Variants in CRHR1 observed in about 807,000 individuals in gnomAD.
CRHR1 encodes the protein corticotropin-releasing hormone receptor 1.
CRHR1 carries 28 observed loss-of-function variants against 56.0 expected under a neutral mutation model. That is an observed-to-expected ratio of 0.50 (90% confidence interval 0.37 to 0.69). CRHR1 has a LOEUF of 0.69. Among genes scored for constraint, CRHR1 ranks in the 30% least tolerant of loss-of-function variants. CRHR1 has a pLI of 0.00. For missense variants in CRHR1, 376 were observed against 548.0 expected, an observed-to-expected ratio of 0.69 and a Z score of 3.13; for synonymous variants, 195 against 216.5, an observed-to-expected ratio of 0.90 and a Z score of 0.87.
At position 45,811,665 on chromosome 17, in the gene CRHR1, C is replaced by T. The variant is rs565687041; in HGVS notation, c.121+4568C>T. ...CTCAGACACACCAAGCACACACCTG[C>T]TCCGGGGGTCCTTGTACTTGCAGTT... On this transcript the variant is annotated intron_variant, in intron 2 of 12. Coordinates refer to ENST00000314537, the MANE Select transcript of CRHR1 (RefSeq NM_004382.5). Among the ~76,000 whole-genome samples, 3 of 152,294 alleles carry T rather than the reference C, an allele frequency of 2.0e-5. No individual in the cohort carries two copies. The East Asian group carries it at 5.8e-4, about 29-fold the overall frequency.
chr17:45,816,593 A>G lies in CRHR1; in HGVS notation c.241+11A>G, dbSNP rs374275151. On this transcript the variant is annotated intron_variant, in intron 3 of 12. Coordinates refer to ENST00000314537, the MANE Select transcript of CRHR1 (RefSeq NM_004382.5). The stretch of plus-strand genomic sequence containing the variant: ...GCTACAATACCACAAGTAAGGAAGA[A>G]GTGGAGGGTGGACCATCTGCTGGGA... 2.5e-6 allele frequency: 4 copies of G among 1,613,942 alleles called. No homozygotes were observed. Among genetic ancestry groups the G allele is most frequent in the East Asian group, 2.2e-5 (1 of 44,860 alleles).
rs1269362388 is a variant in CRHR1 at position 45,784,504 on chromosome 17, A to G, written c.-41A>G. 6.6e-7 allele frequency: 1 copy of G among 1,525,288 alleles called. No homozygotes were observed. The highest frequency in any genetic ancestry group is 8.8e-7 in the Non-Finnish European group (1 of 1,134,840). The allele number at this position is 1,525,288 out of a possible 1,614,324, so 94.5% of individuals were successfully genotyped here. A position where few individuals can be genotyped will look rare whatever the true frequency, so the allele number is the denominator to read the frequency against. ...CCGCCGGTCCCTCTGGGATGTCCGT[A>G]GGACCCGGGCATTCAGGACGGTAGC... On this transcript the variant is annotated 5_prime_UTR_variant, in exon 1 of 13. Coordinates refer to ENST00000314537, the MANE Select transcript of CRHR1 (RefSeq NM_004382.5). The surrounding 1 kb of genome is among the most constrained non-coding windows in gnomAD (Gnocchi z 4.2).
intron 1 of CRHR1, among the ~76,000 whole-genome samples, chr17:45,789,553 G>A (rs926010287): frequency 6.6e-6 from 1 of 151,738 alleles, no homozygotes. Flanking sequence ...AAATTTTTTT[G>A]TAGAAACGGT....
chr17:45,811,151 C>T (rs73313115), intron 2 of CRHR1, among the ~76,000 whole-genome samples: 2,299 of 152,348 alleles, frequency 0.015, 60 homozygotes, highest in African/African-American at 0.052. Flanking sequence ...CTACCATGGG[C>T]GGATCTGCCA....
chr17:45,797,440 G>A (rs748969085), intron 1 of CRHR1, among the ~76,000 whole-genome samples: 5 of 151,868 alleles, frequency 3.3e-5, no homozygotes, highest in African/African-American at 4.8e-5. Context: ...ACAGGCGCCC[G>A]CCACCACGCC....
rs71138511 is a variant in CRHR1 at position 45,813,300 on chromosome 17, GC to G, written c.122-3156del. Among the ~76,000 whole-genome samples the G allele has an allele frequency of 5.4e-5, 8 of 148,574 alleles. No homozygotes were observed. The South Asian group carries it at 6.6e-4, about 12-fold the overall frequency. On this transcript the variant is annotated intron_variant, in intron 2 of 12. Transcript: ENST00000314537. ...CTGAGGCCCTTGTGCCTTTGGCCAC[GC>G]CCCCCCAACCCCCCCACCCCAAGCC...
At chr17:45,805,255 A>T (rs922301004) in intron 1 of CRHR1, among the ~76,000 whole-genome samples, 12 of 152,146 alleles carry the variant, frequency 7.9e-5, no homozygotes, top group Non-Finnish European at 7.4e-5. Flanking sequence ...TCTTTATTTT[A>T]AAAAAATAAT....
At chr17:45,798,553 A>G (rs2061563232) in intron 1 of CRHR1, among the ~76,000 whole-genome samples, 1 of 146,288 alleles carries the variant, frequency 6.8e-6, no homozygotes, top group Admixed American at 6.7e-5. Context: ...AAAGCCAAAC[A>G]CAGGCCTTGC....
chr17:45,792,249 T>TG (rs553804549), intron 1 of CRHR1, among the ~76,000 whole-genome samples: 7 of 152,180 alleles, frequency 4.6e-5, no homozygotes, highest in Non-Finnish European at 7.3e-5. Flanking sequence ...GGCTTGGTCT[T>TG]GGTCTAAGCC....
chr17:45,806,988 C>A, intron 1 of CRHR1, 22 bp from the exon 2 acceptor site: 1 of 1,609,998 alleles, frequency 6.2e-7, no homozygotes, highest in Non-Finnish European at 8.5e-7. Context: ...CCTAATGTGT[C>A]CTTCGCCTCC....
At position 45,830,476 on chromosome 17, in the gene CRHR1, G is replaced by T; in HGVS notation, c.615G>T (p.Trp205Cys). ...YNYFHVTNFF[W>C]MFGEGCYLHT... Reference sequence around the variant, plus strand: ...ACTTCCATGTGACCAACTTCTTCTGGATGTTCGGCGAGGGCTGCTACCTGC... The same window carrying T: ...ACTTCCATGTGACCAACTTCTTCTGTATGTTCGGCGAGGGCTGCTACCTGC... The change falls in exon 7 of 13, where the codon TGG (tryptophan) becomes TGT (cysteine). Residue 205 changes from tryptophan to cysteine, a missense_variant. Trp to Cys is a radical substitution (Grantham distance 215). Around this residue, in one of 2 missense-constraint regions of CRHR1, gnomAD observed 369 missense variants for 519.5 expected, o/e 0.71. Coordinates refer to ENST00000314537, the MANE Select transcript of CRHR1 (RefSeq NM_004382.5). 6.2e-7 allele frequency: 1 copy of T among 1,613,760 alleles called. No homozygotes were observed. Among genetic ancestry groups the T allele is most frequent in the Non-Finnish European group, 8.5e-7 (1 of 1,179,966 alleles).
At chr17:45,794,332 G>T (rs763574830) in intron 1 of CRHR1, among the ~76,000 whole-genome samples, 8 of 152,238 alleles carry the variant, frequency 5.3e-5, no homozygotes, top group Non-Finnish European at 1.0e-4. Flanking sequence ...GGAACCAATT[G>T]TTGGTAGGTT....
At chr17:45,824,288 C>A (rs998585984) in intron 4 of CRHR1, among the ~76,000 whole-genome samples, 4 of 152,164 alleles carry the variant, frequency 2.6e-5, no homozygotes, top group Non-Finnish European at 5.9e-5. Flanking sequence ...TGACTCAGGA[C>A]CACACGCCAT....
At chr17:45,829,644 G>A (rs1392198106) in intron 5 of CRHR1, 19 of 1,550,566 alleles carry the variant, frequency 1.2e-5, no homozygotes, top group East Asian at 2.4e-5. Context: ...TTTCAGGTTC[G>A]AAGGTACCTG....
At chr17:45,825,770 G>C (rs2062149127) in intron 4 of CRHR1, 2 of 152,380 alleles carry the variant, frequency 1.3e-5, no homozygotes, top group African/African-American at 4.8e-5. Context: ...CGAGGGGCTG[G>C]AGTGAGTGCC....
rs115297094 is a variant in CRHR1, at chr17:45,794,996, T to C, written c.33+10419T>C. ...TCTGGGCTGCCTCATTCCTCAACTTTGGCTGCATCAGCAGGCAGACCTTCC... is the reference window on the plus strand; with the variant it reads ...TCTGGGCTGCCTCATTCCTCAACTTCGGCTGCATCAGCAGGCAGACCTTCC... On this transcript the variant is annotated intron_variant, in intron 1 of 12. Transcript: ENST00000314537. Among the ~76,000 whole-genome samples the C allele has an allele frequency of 5.7e-3, 868 of 152,306 alleles. 8 individuals carry two copies. Among genetic ancestry groups the C allele is most frequent in the African/African-American group, 0.019 (809 of 41,572 alleles).
At chr17:45,830,685 G>A (rs895009803) in intron 7 of CRHR1, 115 bp downstream of exon 7, 29 of 1,373,236 alleles carry the variant, frequency 2.1e-5, no homozygotes, top group South Asian at 4.1e-5. Context: ...GGGTTGGGGC[G>A]GTAAGGTGTG....
intron 2 of CRHR1, among the ~76,000 whole-genome samples, chr17:45,808,406 T>C (rs2061758422): frequency 6.6e-6 from 1 of 152,150 alleles, no homozygotes; most frequent in Admixed American, 6.5e-5. Context: ...GTCCCTGTGC[T>C]GGCTCACAGA....
chr17:45,829,657 C>A (rs2062249049), intron 5 of CRHR1: 12 of 1,549,756 alleles, frequency 7.7e-6, no homozygotes, highest in Non-Finnish European at 1.0e-5. Context: ...GGTACCTGGG[C>A]CCCAGCACTA....
Sources: allele counts gnomAD v4.1 joint callset (sites outside exome capture counted in the v4.1 genomes callset), GRCh38; gene constraint gnomAD v4.1.1; regional missense constraint gnomAD v4.1.1; non-coding constraint Gnocchi (gnomAD v3.1); transcripts MANE v1.5; gene names NCBI Gene and HGNC (gene_info 2026-07-23, HGNC 2026-07-21).